BMP6: variants seen among roughly 807,000 people sequenced by gnomAD.
BMP6 encodes the protein VG-1-R.
A neutral mutation model predicts 54.1 loss-of-function variants in BMP6; 17 were observed. The ratio of observed to expected loss-of-function variants is 0.31; its 90% CI spans 0.22 to 0.47. The LOEUF is 0.47. BMP6 is among the 20% of genes least tolerant of loss of function. BMP6 has a pLI of 1.00. For missense variants in BMP6, 720 were observed against 690.4 expected, an observed-to-expected ratio of 1.04 and a Z score of -0.48; for synonymous variants, 328 against 291.2, an observed-to-expected ratio of 1.13 and a Z score of -1.28.
rs908419622 is a variant in BMP6 at position 7,836,878 on chromosome 6, C to G, written c.665-8262C>G. On this transcript the variant is annotated intron_variant, in intron 1 of 6. Coordinates refer to ENST00000283147, the MANE Select transcript of BMP6 (RefSeq NM_001718.6). ...GAAAGTCAAAAGGCCGCTGTCGTTA[C>G]AACCCTTGGAAGTCCAGCCAGAAAT... Among the ~76,000 whole-genome samples, 6 of 152,220 alleles carry G rather than the reference C, an allele frequency of 3.9e-5. No individual in the cohort carries two copies. In the East Asian group the frequency reaches 1.2e-3, roughly 29 times the overall value.
At chr6:7,780,250 T>C (rs1168241806) in intron 1 of BMP6, among the ~76,000 whole-genome samples, 4 of 152,194 alleles carry the variant, frequency 2.6e-5, no homozygotes, top group African/African-American at 9.6e-5. Context: ...TCTAATTCTT[T>C]TTAAAAAGCA....
intron 1 of BMP6, among the ~76,000 whole-genome samples, chr6:7,839,696 A>G (rs939214578): frequency 6.6e-6 from 1 of 152,172 alleles, no homozygotes; most frequent in African/African-American, 2.4e-5. Flanking sequence ...CATTGTGTTT[A>G]CCCATTCATC....
chr6:7,742,801 T>G (rs1757287962), intron 1 of BMP6, among the ~76,000 whole-genome samples: 1 of 152,080 alleles, frequency 6.6e-6, no homozygotes, highest in African/African-American at 2.4e-5. Context: ...ATACAAGATG[T>G]GATGTTTCTC....
At chr6:7,738,728 A>G (rs565454481) in intron 1 of BMP6, among the ~76,000 whole-genome samples, 88 of 152,214 alleles carry the variant, frequency 5.8e-4, no homozygotes, top group Non-Finnish European at 1.1e-3. Context: ...ACATTGACGT[A>G]TAAGGAACAG....
At chr6:7,775,206 C>T (rs1436783133) in intron 1 of BMP6, among the ~76,000 whole-genome samples, 1 of 152,136 alleles carries the variant, frequency 6.6e-6, no homozygotes, top group African/African-American at 2.4e-5. Context: ...TTGAGGAATA[C>T]AATGGAAATT....
At chr6:7,731,677 A>G (rs1370960324) in intron 1 of BMP6, among the ~76,000 whole-genome samples, 1 of 152,234 alleles carries the variant, frequency 6.6e-6, no homozygotes, top group Non-Finnish European at 1.5e-5. Flanking sequence ...TTATTTAGAA[A>G]GGGTATACCT....
At chr6:7,736,859 C>T (rs1761963168) in intron 1 of BMP6, among the ~76,000 whole-genome samples, 1 of 152,136 alleles carries the variant, frequency 6.6e-6, no homozygotes, top group Admixed American at 6.5e-5. Context: ...TATCTCCCAC[C>T]CTATTCTGCT....
intron 2 of BMP6, among the ~76,000 whole-genome samples, chr6:7,861,098 T>A (rs1028601033): frequency 1.5e-4 from 22 of 150,178 alleles, no homozygotes; most frequent in South Asian, 2.1e-4. Context: ...AAAAAAAAAA[T>A]AAAAAAGTTT....
intron 1 of BMP6, among the ~76,000 whole-genome samples, chr6:7,824,807 T>G (rs986931931): frequency 1.3e-5 from 2 of 152,202 alleles, no homozygotes; most frequent in African/African-American, 4.8e-5. Flanking sequence ...CCTATATTTG[T>G]GGTTAGAGTC....
chr6:7,856,566 GA>G (rs1759236135), intron 2 of BMP6, among the ~76,000 whole-genome samples: 1 of 142,774 alleles, frequency 7.0e-6, no homozygotes, highest in South Asian at 2.3e-4. Context: ...TGCTTACTTT[GA>G]ATATATAAAT....
intron 2 of BMP6, among the ~76,000 whole-genome samples, chr6:7,847,704 T>C (rs1303778912): frequency 6.6e-6 from 1 of 152,146 alleles, no homozygotes; most frequent in Non-Finnish European, 1.5e-5. Context: ...CCTTCTGATA[T>C]TAAAGACAGT....
intron 1 of BMP6, among the ~76,000 whole-genome samples, chr6:7,772,288 C>A (rs1028028656): frequency 6.6e-6 from 1 of 152,218 alleles, no homozygotes; most frequent in Non-Finnish European, 1.5e-5. Flanking sequence ...AAGGCATAGT[C>A]CTGTTCGTTA....
At chr6:7,878,546 G>A (rs1759658380) in intron 4 of BMP6, among the ~76,000 whole-genome samples, 1 of 152,218 alleles carries the variant, frequency 6.6e-6, no homozygotes, top group Non-Finnish European at 1.5e-5. Context: ...CATTGCCCCT[G>A]CGTGGTGTCT....
rs996327455 is a variant in BMP6 at position 7,726,297 on chromosome 6, G to A, written c.-659G>A. On this transcript the variant is annotated 5_prime_UTR_variant, in exon 1 of 7. Coordinates refer to ENST00000283147, the MANE Select transcript of BMP6 (RefSeq NM_001718.6). The stretch of plus-strand genomic sequence containing the variant: ...CCGCCTCCGCTTGAGGAGGCGTGCG[G>A]CGCGCGGAGATTTTGAGTGGGAGCG... Among the ~76,000 whole-genome samples the A allele has an allele frequency of 1.3e-5, 2 of 152,228 alleles. No homozygotes were observed. The highest frequency in any genetic ancestry group is 4.8e-5 in the African/African-American group (2 of 41,460).
chr6:7,822,921 G>T (rs995475690), intron 1 of BMP6, among the ~76,000 whole-genome samples: 1 of 113,772 alleles, frequency 8.8e-6, no homozygotes, highest in Non-Finnish European at 2.0e-5. Context: ...GTGTGTGTGT[G>T]TGTGTGTGTG....
At chr6:7,850,388 G>C (rs1177551815) in intron 2 of BMP6, among the ~76,000 whole-genome samples, 1 of 152,134 alleles carries the variant, frequency 6.6e-6, no homozygotes, top group Admixed American at 6.5e-5. Flanking sequence ...CTATTTTTAA[G>C]TGTGTAGTTC....
intron 2 of BMP6, among the ~76,000 whole-genome samples, chr6:7,855,822 C>T (rs1291375365): frequency 6.6e-6 from 1 of 151,922 alleles, no homozygotes. Flanking sequence ...AGCCACCATG[C>T]CCTGCCCACT....
chr6:7,757,514 C>A (rs1439715567), intron 1 of BMP6, among the ~76,000 whole-genome samples: 1 of 152,182 alleles, frequency 6.6e-6, no homozygotes, highest in African/African-American at 2.4e-5. Flanking sequence ...TCCAGTATGA[C>A]CTCATCTTAA....
Position 7,856,368 on chromosome 6 carries a change from A to AT in BMP6, c.858-5075dup, listed in dbSNP as rs536379157. 5.7e-4 allele frequency among the ~76,000 whole-genome samples: 87 copies of AT among 151,808 alleles called. No individual in the cohort carries two copies. The East Asian group carries it at 0.01, about 18-fold the overall frequency. ...CCTTAATTTTCTAAAATGAAAATGG[A>AT]TTTTTTTTACTTTCATTCTATTTGA... On this transcript the variant is annotated intron_variant, in intron 2 of 6. Transcript: ENST00000283147.
Sources: gnomAD v4.1 joint callset for allele counts (sites outside exome capture counted in the v4.1 genomes callset) on GRCh38, gnomAD v4.1.1 for gene constraint, MANE v1.5 for transcripts, NCBI Gene and HGNC (gene_info 2026-07-23, HGNC 2026-07-21) for gene names.